STK40: variants seen among roughly 807,000 people sequenced by gnomAD.
STK40 encodes serine/threonine-protein kinase 40.
Under a neutral mutation model 47.9 loss-of-function variants are expected in STK40, and 13 were observed. The ratio of observed to expected loss-of-function variants is 0.27; its 90% confidence interval spans 0.18 to 0.43. The LOEUF is 0.43. Ranked by LOEUF, STK40 falls within the 20% of genes least tolerant of loss-of-function variation. The probability of loss-of-function intolerance (pLI) is 1.00; values close to 1 mark genes in which losing one functional copy is unlikely to be tolerated. For synonymous variants in STK40, 225 were observed against 243.2 expected (o/e 0.93, Z 0.69); for missense variants, 460 against 595.1 (o/e 0.77, Z 2.36).
At chr1:36,370,453 A>C (rs1418217422) in intron 1 of STK40, among the ~76,000 whole-genome samples, 1 of 152,200 alleles carries the variant, frequency 6.6e-6, no homozygotes, top group Non-Finnish European at 1.5e-5. Flanking sequence ...CTTCTCTGAA[A>C]AGAGAACTTC....
At chr1:36,354,487 G>A in intron 5 of STK40, 71 bp from the exon 6 acceptor site, 5 of 1,534,988 alleles carry the variant, frequency 3.3e-6, no homozygotes, top group Non-Finnish European at 4.5e-6. Context: ...CCTGTAAGAT[G>A]GGGGCTCTCC....
intron 2 of STK40, among the ~76,000 whole-genome samples, chr1:36,360,252 G>A (rs1477808478): frequency 1.3e-5 from 2 of 152,190 alleles, no homozygotes; most frequent in African/African-American, 4.8e-5. Flanking sequence ...TCCTGAGCCT[G>A]TAAGTCCAAA....
At chr1:36,342,984 G>A (rs1167966854) in intron 10 of STK40, 4 of 591,256 alleles carry the variant, frequency 6.8e-6, no homozygotes, top group Admixed American at 3.0e-5. Context: ...GGGGAGGAAA[G>A]AAATAGGGAG....
chr1:36,373,990 G>C (rs1366903838), intron 1 of STK40, among the ~76,000 whole-genome samples: 2 of 152,172 alleles, frequency 1.3e-5, no homozygotes, highest in East Asian at 1.9e-4. Flanking sequence ...TGGGAGGGGC[G>C]GTCAGCAAGA....
In STK40 at chr1:36,341,525, A is replaced by G; in HGVS notation, c.*230T>C. On this transcript the variant is annotated 3_prime_UTR_variant, in exon 11 of 11. Coordinates refer to ENST00000373132, the MANE Select transcript of STK40 (RefSeq NM_001282547.2). ...AAAACATCGTGATTAAAAGCAGATT[A>G]GTTATCTAGGCTTCTCAGATTTAAA... 1.7e-6 allele frequency: 1 copy of G among 574,842 alleles called. No homozygotes were observed. Among genetic ancestry groups the G allele is most frequent in the Non-Finnish European group, 3.1e-6 (1 of 321,190 alleles). The allele number at this position is 574,842 out of a possible 1,614,324, so 35.6% of individuals were successfully genotyped here.
intron 3 of STK40, 117 bp downstream of exon 3, chr1:36,358,620 G>A: frequency 8.1e-7 from 1 of 1,241,106 alleles, no homozygotes; most frequent in African/African-American, 1.5e-5. Context: ...TGCTTCTCGG[G>A]AAGAAATGGC....
At chr1:36,381,096 C>A (rs1647036034) in intron 1 of STK40, among the ~76,000 whole-genome samples, 1 of 152,126 alleles carries the variant, frequency 6.6e-6, no homozygotes, top group Non-Finnish European at 1.5e-5. Flanking sequence ...CATCTCTGCT[C>A]TTCTTCTCAA....
intron 1 of STK40, among the ~76,000 whole-genome samples, chr1:36,375,270 G>A (rs1426070060): frequency 6.6e-6 from 1 of 152,202 alleles, no homozygotes; most frequent in Non-Finnish European, 1.5e-5. Context: ...ACTTTAGGAG[G>A]CCGAGGCAGG....
At chr1:36,363,955 T>C (rs1646878338) in intron 1 of STK40, among the ~76,000 whole-genome samples, 2 of 151,780 alleles carry the variant, frequency 1.3e-5, no homozygotes, top group African/African-American at 4.8e-5. Context: ...ATCGAGACCA[T>C]CCTGGTTAAC....
chr1:36,347,856 T>C (rs966503973), intron 7 of STK40, among the ~76,000 whole-genome samples: 2 of 152,178 alleles, frequency 1.3e-5, no homozygotes. Flanking sequence ...TTTCACCATA[T>C]TGGCCAGGCT....
At chr1:36,379,398 CT>C (rs55738958) in intron 1 of STK40, among the ~76,000 whole-genome samples, 20,362 of 138,746 alleles carry the variant, frequency 0.15, 1,592 homozygotes, top group Middle Eastern at 0.24. Flanking sequence ...GTTGTAGCCT[CT>C]TTTTTTTTTT....
chr1:36,361,298 T>G lies in STK40; in HGVS notation c.35A>C (p.Glu12Ala). The G allele has an allele frequency of 6.2e-7, 1 of 1,614,240 alleles. No homozygotes were observed. Residue 12 changes from glutamate to alanine, a missense_variant, in exon 2 of 11, where the codon GAA (glutamate) becomes GCA (alanine). This residue lies in a region of STK40 where 277 missense variants were observed against 358.7 expected (regional missense o/e 0.77). Transcript: ENST00000373132. ...TAGAGCCTTGGCCCTGGCCGACGTT[T>G]CCCCAGCTCCTCTGTCTGATGCTCT... Reference protein sequence around the residue: ...KRRASDRGAGETSARAKALGS... With the variant: ...KRRASDRGAGATSARAKALGS...
intron 1 of STK40, among the ~76,000 whole-genome samples, chr1:36,369,693 G>A (rs889123313): frequency 3.3e-5 from 5 of 152,110 alleles, no homozygotes; most frequent in African/African-American, 9.7e-5. Context: ...GTACACCTCC[G>A]TCCCCTCCCA....
chr1:36,355,381 T>C lies in STK40; in HGVS notation c.395A>G (p.Lys132Arg). The change falls in exon 5 of 11, where the codon AAG becomes AGG. Residue 132 changes from lysine to arginine, a missense_variant. Around this residue, in one of 3 missense-constraint regions of STK40, gnomAD observed 277 missense variants for 358.7 expected, o/e 0.77. Transcript: ENST00000373132. ...EDTESSRMVK[K>R]MKKRICLVLD... Reference sequence around the variant, plus strand: ...GACGAGGCAGATGCGCTTCTTCATCTTCTTAACCATCCGGCTGGATTCTGT... The same window carrying C: ...GACGAGGCAGATGCGCTTCTTCATCCTCTTAACCATCCGGCTGGATTCTGT... 1 of 1,614,204 alleles carries C rather than the reference T, an allele frequency of 6.2e-7. No homozygotes were observed. The highest frequency in any genetic ancestry group is 1.1e-5 in the South Asian group (1 of 91,086).
intron 2 of STK40, among the ~76,000 whole-genome samples, chr1:36,360,947 A>C (rs2124739030): frequency 6.6e-6 from 1 of 152,314 alleles, no homozygotes; most frequent in East Asian, 1.9e-4. Context: ...GGAGAGTCGG[A>C]GCCTAGCTAT....
rs937820630 is a variant in STK40 at position 36,358,669 on chromosome 1, G to A, written c.198+68C>T. 3 of 1,523,124 alleles carry A rather than the reference G, an allele frequency of 2.0e-6. No homozygotes were observed. In the Admixed American group the frequency reaches 5.1e-5, roughly 26 times the overall value. The allele number at this position is 1,523,124 out of a possible 1,614,324, so 94.4% of individuals were successfully genotyped here. ...ACAATGACGCAGGTGTGAAGGTGGA[G>A]GAGGGAGGAGTGGGTTGGCATGACA... is the stretch of plus-strand genomic sequence containing the variant. On this transcript the variant is annotated intron_variant, in intron 3 of 10. Coordinates refer to ENST00000373132, the MANE Select transcript of STK40 (RefSeq NM_001282547.2).
Position 36,358,720 on chromosome 1 carries a change from C to A in STK40, c.198+17G>T, listed in dbSNP as rs3795496. The A allele has an allele frequency of 1.9e-6, 3 of 1,613,462 alleles. No homozygotes were observed. In the East Asian group the frequency reaches 6.7e-5, roughly 36 times the overall value. ...GGCCCTGTTCCTGAGGCACCCTCACCCCCATGTCTCACTTACCTTCAGCTG... is the reference window on the plus strand; with the variant it reads ...GGCCCTGTTCCTGAGGCACCCTCACACCCATGTCTCACTTACCTTCAGCTG... On this transcript the variant is annotated intron_variant, in intron 3 of 10. Coordinates refer to ENST00000373132, the MANE Select transcript of STK40 (RefSeq NM_001282547.2).
At chr1:36,375,850 G>C (rs1357221143) in intron 1 of STK40, among the ~76,000 whole-genome samples, 1 of 151,890 alleles carries the variant, frequency 6.6e-6, no homozygotes, top group Non-Finnish European at 1.5e-5. Flanking sequence ...GCAAAACCCT[G>C]TCTCTACTAA....
intron 1 of STK40, among the ~76,000 whole-genome samples, chr1:36,363,103 T>G (rs1437092253): frequency 2.0e-5 from 3 of 151,890 alleles, no homozygotes; most frequent in African/African-American, 4.8e-5. Flanking sequence ...TACAGTGAGC[T>G]GAGATCACGC....
Sources: gnomAD v4.1 joint callset for allele counts (sites outside exome capture counted in the v4.1 genomes callset) on GRCh38, gnomAD v4.1.1 for gene constraint, gnomAD v4.1.1 regional missense constraint, MANE v1.5 for transcripts, NCBI Gene and HGNC (gene_info 2026-07-23, HGNC 2026-07-21) for gene names.